The following CCDC38 variants were observed in gnomAD, a reference collection of about 807,000 sequenced individuals.
CCDC38 encodes coiled-coil domain-containing protein 38.
Under a neutral mutation model 72.8 loss-of-function variants are expected in CCDC38, and 69 were observed. That is an observed-to-expected ratio of 0.95 (90% CI 0.78 to 1.16). The LOEUF (loss-of-function observed/expected upper bound fraction) is 1.16, where lower values mean the gene tolerates loss of function less well. Ranked by LOEUF, CCDC38 falls within the 50% of genes most tolerant of loss-of-function variation. The pLI, the probability that CCDC38 is intolerant of heterozygous loss-of-function variation, is 0.00. For synonymous variants in CCDC38, 201 were observed against 213.2 expected (o/e 0.94, Z 0.50); for missense variants, 626 against 638.9 (o/e 0.98, Z 0.22).
chr12:95,894,645 G>A (rs766977762), intron 8 of CCDC38, among the ~76,000 whole-genome samples: 5 of 151,422 alleles, frequency 3.3e-5, no homozygotes, highest in African/African-American at 1.2e-4. Flanking sequence ...CTGTACACAT[G>A]TTTCCCTTCT....
intron 15 of CCDC38, 40 bp downstream of exon 15, chr12:95,869,438 TCA>T: frequency 1.4e-6 from 2 of 1,401,846 alleles, no homozygotes; most frequent in Non-Finnish European, 2.0e-6. Flanking sequence ...GTATTTTGTA[TCA>T]CATATTGATA....
intron 2 of CCDC38, among the ~76,000 whole-genome samples, chr12:95,921,606 C>T (rs1309123059): frequency 6.6e-6 from 1 of 152,092 alleles, no homozygotes; most frequent in East Asian, 1.9e-4. Context: ...ATCCAATCAC[C>T]TCTCTCCCTC....
At chr12:95,902,808 C>T (rs1256717874) in intron 5 of CCDC38, among the ~76,000 whole-genome samples, 1 of 152,144 alleles carries the variant, frequency 6.6e-6, no homozygotes, top group Admixed American at 6.6e-5. Context: ...AGCAGACTAA[C>T]TTCTTAGCTT....
intron 1 of CCDC38, among the ~76,000 whole-genome samples, chr12:95,937,701 T>C (rs2080408304): frequency 6.6e-6 from 1 of 152,196 alleles, no homozygotes; most frequent in Non-Finnish European, 1.5e-5. Context: ...GAGCAGCAGA[T>C]GATTAAGAAC....
At chr12:95,931,083 T>C (rs376549015) in intron 2 of CCDC38, among the ~76,000 whole-genome samples, 1 of 152,196 alleles carries the variant, frequency 6.6e-6, no homozygotes, top group African/African-American at 2.4e-5. Flanking sequence ...CAAATTTATT[T>C]TCTTACACTT....
intron 2 of CCDC38, among the ~76,000 whole-genome samples, chr12:95,925,256 A>G (rs1215274664): frequency 1.3e-5 from 2 of 152,132 alleles, no homozygotes; most frequent in African/African-American, 2.4e-5. Flanking sequence ...GGTCCTTCAC[A>G]TCCCTTGTAA....
chr12:95,936,849 G>A (rs1363493484), intron 1 of CCDC38, among the ~76,000 whole-genome samples: 1 of 152,134 alleles, frequency 6.6e-6, no homozygotes, highest in African/African-American at 2.4e-5. Flanking sequence ...CTCTCTCCAT[G>A]GTATTGGTTA....
intron 2 of CCDC38, chr12:95,934,825 A>C (rs1194496786): frequency 6.6e-6 from 1 of 152,136 alleles, no homozygotes; most frequent in Non-Finnish European, 1.5e-5. Flanking sequence ...CCTGGCCAGC[A>C]TGGGGAAAAC....
intron 10 of CCDC38, among the ~76,000 whole-genome samples, chr12:95,884,166 A>G (rs1290590850): frequency 1.3e-5 from 2 of 152,226 alleles, no homozygotes; most frequent in Non-Finnish European, 1.5e-5. Context: ...CAAATGACAT[A>G]ATGGTCTACT....
At chr12:95,877,604 A>G (rs1478325453) in intron 13 of CCDC38, among the ~76,000 whole-genome samples, 1 of 152,198 alleles carries the variant, frequency 6.6e-6, no homozygotes, top group East Asian at 1.9e-4. Context: ...TCATTCATTC[A>G]ACAAACATTT....
Position 95,912,756 on chromosome 12 carries a change from T to C in CCDC38, c.304+4373A>G, listed in dbSNP as rs566114693. ...ATATGTATGATTATTATGGGGTCAA[T>C]TAAAAATAGTAATAAAAGCAGGGCC... On this transcript the variant is annotated intron_variant, in intron 4 of 15. Transcript: ENST00000344280. 1.5e-4 allele frequency among the ~76,000 whole-genome samples: 23 copies of C among 152,184 alleles called. No homozygotes were observed. In the South Asian group the frequency reaches 4.8e-3, roughly 32 times the overall value.
At chr12:95,906,363 G>A in intron 5 of CCDC38, 24 bp downstream of exon 5, 2 of 1,531,494 alleles carry the variant, frequency 1.3e-6, no homozygotes, top group Non-Finnish European at 1.8e-6. Context: ...CACTTGGCTA[G>A]GGGAGAAAAG....
At position 95,890,844 on chromosome 12, in the gene CCDC38, T is replaced by C; in HGVS notation, c.859A>G (p.Arg287Gly). 6.3e-7 allele frequency: 1 copy of C among 1,598,546 alleles called. No homozygotes were observed. Among genetic ancestry groups the C allele is most frequent in the East Asian group, 2.2e-5 (1 of 44,698 alleles). ...AATCTACCTTTACCTTGGCTGTCTC[T>C]TCCCTGAGAAGCATCTTCTGAAAGG... The part of the protein sequence containing the change: ...AVLSEDASQG[R>G]DSQGKPSRSL... Residue 287 changes from arginine to glycine, a missense_variant, in exon 9 of 16, where the codon AGA becomes GGA. By Grantham distance (125) the Arg-to-Gly change is moderately radical. Coordinates refer to ENST00000344280, the MANE Select transcript of CCDC38 (RefSeq NM_182496.3).
In CCDC38 at chr12:95,867,236, C is replaced by T. The variant is rs2079529363; in HGVS notation, c.1579-47G>A. 3 of 994,480 alleles carry T rather than the reference C, an allele frequency of 3.0e-6. No homozygotes were observed. The African/African-American group carries it at 4.9e-5, about 16-fold the overall frequency. The allele number at this position is 994,480 out of a possible 1,614,324, so 61.6% of individuals were successfully genotyped here. A position where few individuals can be genotyped will look rare whatever the true frequency, so the allele number is the denominator to read the frequency against. Reference sequence around the variant, plus strand: ...ATACTTAATATTTTTTGAGCATAGCCATTTTCTATTGAAATTTGTGAAATA... The same window carrying T: ...ATACTTAATATTTTTTGAGCATAGCTATTTTCTATTGAAATTTGTGAAATA... On this transcript the variant is annotated intron_variant, in intron 15 of 15. Coordinates refer to ENST00000344280, the MANE Select transcript of CCDC38 (RefSeq NM_182496.3).
intron 14 of CCDC38, among the ~76,000 whole-genome samples, chr12:95,870,091 A>G (rs1016550145): frequency 6.6e-6 from 1 of 152,136 alleles, no homozygotes; most frequent in Admixed American, 6.6e-5. Context: ...TAAACATTTC[A>G]GCACTTTACA....
At chr12:95,929,432 C>T (rs2080312226) in intron 2 of CCDC38, among the ~76,000 whole-genome samples, 1 of 152,204 alleles carries the variant, frequency 6.6e-6, no homozygotes, top group African/African-American at 2.4e-5. Flanking sequence ...GACCTGCGCC[C>T]ACTGTCTGGC....
chr12:95,926,119 C>T (rs1312733391), intron 2 of CCDC38, among the ~76,000 whole-genome samples: 1 of 144,898 alleles, frequency 6.9e-6, no homozygotes, highest in East Asian at 2.0e-4. Flanking sequence ...AGGAATGGTA[C>T]CAGTTCCTCC....
At chr12:95,905,001 T>C (rs1335753553) in intron 5 of CCDC38, among the ~76,000 whole-genome samples, 1 of 152,206 alleles carries the variant, frequency 6.6e-6, no homozygotes, top group Non-Finnish European at 1.5e-5. Context: ...CACCAAACTT[T>C]GTGGATGCTC....
intron 10 of CCDC38, among the ~76,000 whole-genome samples, chr12:95,882,436 C>T (rs1466045076): frequency 6.6e-6 from 1 of 152,082 alleles, no homozygotes; most frequent in Non-Finnish European, 1.5e-5. Flanking sequence ...AAACAGCTTA[C>T]AGATGGGATA....
Sources: allele counts gnomAD v4.1 joint callset (sites outside exome capture counted in the v4.1 genomes callset), GRCh38; gene constraint gnomAD v4.1.1; transcripts MANE v1.5; gene names NCBI Gene and HGNC (gene_info 2026-07-23, HGNC 2026-07-21).